SLC24A4: variants seen among roughly 807,000 people sequenced by gnomAD.
SLC24A4 encodes the protein sodium/potassium/calcium exchanger 4.
Under a neutral mutation model 79.0 loss-of-function variants are expected in SLC24A4, and 53 were observed. The observed-to-expected ratio is 0.67, with a 90% confidence interval of 0.54 to 0.84. The LOEUF is 0.84. SLC24A4 is among the 40% of genes least tolerant of loss of function. The probability of loss-of-function intolerance (pLI) is 0.00; values close to 1 mark genes in which losing one functional copy is unlikely to be tolerated. For synonymous variants in SLC24A4, 323 were observed against 323.8 expected (o/e 1.00, Z 0.03); for missense variants, 731 against 822.0 (o/e 0.89, Z 1.35).
rs574865802 is a variant in SLC24A4, at chr14:92,476,591, CAT to C, written c.1256-6087_1256-6086del. 7.0e-4 allele frequency among the ~76,000 whole-genome samples: 107 copies of C among 152,316 alleles called. 1 individual carries two copies. The highest frequency in any genetic ancestry group is 2.6e-3 in the African/African-American group (106 of 41,568). On this transcript the variant is annotated intron_variant, in intron 12 of 16. Coordinates refer to ENST00000532405, the MANE Select transcript of SLC24A4 (RefSeq NM_153646.4). Reference sequence around the variant, plus strand: ...ATTTATATGCCATAAAATTCGCCCTCATAAACTAATTCGTGGTTTTTGCTATA... The same window carrying C: ...ATTTATATGCCATAAAATTCGCCCTCAAACTAATTCGTGGTTTTTGCTATA...
rs369062213 is a variant in SLC24A4, at chr14:92,439,457, T to G, written c.393+48T>G. On this transcript the variant is annotated intron_variant, in intron 4 of 16. Transcript: ENST00000532405. ...ACCTTGGTGAAGCCTTGAAGACATG[T>G]GGGACATAAATGCCAAGCCAAGAAG... 2.9e-5 allele frequency: 46 copies of G among 1,560,916 alleles called. No homozygotes were observed. The African/African-American group carries it at 5.5e-4, about 19-fold the overall frequency.
At chr14:92,333,197 G>A (rs1484274359) in intron 2 of SLC24A4, among the ~76,000 whole-genome samples, 1 of 152,092 alleles carries the variant, frequency 6.6e-6, no homozygotes, top group Non-Finnish European at 1.5e-5. Flanking sequence ...AGGTTCAAGC[G>A]ATTTTCCTGC....
intron 2 of SLC24A4, among the ~76,000 whole-genome samples, chr14:92,430,484 A>G (rs1041244570): frequency 2.0e-5 from 3 of 152,248 alleles, no homozygotes; most frequent in African/African-American, 7.2e-5. Flanking sequence ...TCTGTCCCCA[A>G]GGATTTTGGA....
Position 92,323,893 on chromosome 14 carries a change from G to C in SLC24A4, c.63G>C (p.Gln21His), listed in dbSNP as rs903385232. The change falls in exon 1 of 17, where the codon CAG becomes CAC. Residue 21 changes from glutamine (Q) to histidine (H), a missense_variant. Physicochemically the swap from Gln to His is conservative, Grantham distance 24 (BLOSUM62 0). Coordinates refer to ENST00000532405, the MANE Select transcript of SLC24A4 (RefSeq NM_153646.4). The surrounding 1 kb of genome is among the most constrained non-coding windows in gnomAD (Gnocchi z 4.9). The stretch of plus-strand genomic sequence containing the variant: ...GCAGGAGGCGAGAGATGCTGCCGCA[G>C]CAAGTCGGCTTCGTGTGCGCGGTGC... Reference protein sequence around the residue: ...KVRRRREMLPQQVGFVCAVLA... With the variant: ...KVRRRREMLPHQVGFVCAVLA... 2 of 1,608,084 alleles carry C rather than the reference G, an allele frequency of 1.2e-6. No homozygotes were observed. The highest frequency in any genetic ancestry group is 1.7e-6 in the Non-Finnish European group (2 of 1,179,714).
chr14:92,354,006 C>T (rs974199549), intron 2 of SLC24A4, among the ~76,000 whole-genome samples: 12 of 152,180 alleles, frequency 7.9e-5, no homozygotes, highest in South Asian at 2.1e-4. Flanking sequence ...AAATTGCCTC[C>T]GGTTTTGTGT....
intron 2 of SLC24A4, among the ~76,000 whole-genome samples, chr14:92,427,700 C>G (rs1295096745): frequency 6.6e-6 from 1 of 152,186 alleles, no homozygotes; most frequent in Non-Finnish European, 1.5e-5. Context: ...TTAATATTTT[C>G]AACAGAAAGG....
chr14:92,381,402 A>T (rs1173751413), intron 2 of SLC24A4, among the ~76,000 whole-genome samples: 2 of 152,090 alleles, frequency 1.3e-5, no homozygotes, highest in South Asian at 2.1e-4. Flanking sequence ...GGACACGGGG[A>T]GGGGAACATC....
At chr14:92,363,590 G>A (rs1028177664) in intron 2 of SLC24A4, among the ~76,000 whole-genome samples, 1 of 152,194 alleles carries the variant, frequency 6.6e-6, no homozygotes, top group Admixed American at 6.5e-5. Flanking sequence ...CCAGCATTTT[G>A]GGAGGCTGAG....
At chr14:92,349,325 A>G (rs1041049909) in intron 2 of SLC24A4, among the ~76,000 whole-genome samples, 13 of 152,030 alleles carry the variant, frequency 8.6e-5, no homozygotes, top group African/African-American at 2.9e-4. Flanking sequence ...ACACCCGGGT[A>G]ATTTTTGTAT....
chr14:92,359,446 A>T (rs1887371690), intron 2 of SLC24A4, among the ~76,000 whole-genome samples: 1 of 152,126 alleles, frequency 6.6e-6, no homozygotes, highest in Admixed American at 6.5e-5. Context: ...TAATGAAAAA[A>T]GAATTAGCCG....
In SLC24A4 at chr14:92,379,512, T is replaced by TG. The variant is rs577977558; in HGVS notation, c.241+53540dup. On this transcript the variant is annotated intron_variant, in intron 2 of 16. Coordinates refer to ENST00000532405, the MANE Select transcript of SLC24A4 (RefSeq NM_153646.4). ...GGACCCGGCTTCAGCCCGAGTTTGT[T>TG]GGGGGGAACCATGGCACCAGGGGCA... Among the ~76,000 whole-genome samples the TG allele has an allele frequency of 8.1e-4, 124 of 152,150 alleles. 3 individuals carry two copies. In the East Asian group the frequency reaches 0.02, roughly 24 times the overall value.
chr14:92,347,860 A>T (rs1369517879), intron 2 of SLC24A4, among the ~76,000 whole-genome samples: 1 of 152,206 alleles, frequency 6.6e-6, no homozygotes, highest in African/African-American at 2.4e-5. Context: ...CTGGAAGGAG[A>T]GGTTGCAGTG....
intron 12 of SLC24A4, among the ~76,000 whole-genome samples, chr14:92,473,391 A>G (rs1237280496): frequency 6.6e-6 from 1 of 152,234 alleles, no homozygotes; most frequent in Non-Finnish European, 1.5e-5. Context: ...CTGGTGGGCA[A>G]GTCTGCTTGG....
intron 2 of SLC24A4, among the ~76,000 whole-genome samples, chr14:92,341,188 C>T (rs1886121303): frequency 6.6e-6 from 1 of 151,950 alleles, no homozygotes; most frequent in Non-Finnish European, 1.5e-5. Context: ...AGATGAACAC[C>T]TGGGAGGGAG....
intron 2 of SLC24A4, among the ~76,000 whole-genome samples, chr14:92,355,111 T>C (rs1360494199): frequency 1.3e-5 from 2 of 151,850 alleles, no homozygotes; most frequent in South Asian, 2.1e-4. Flanking sequence ...ACAACACAAA[T>C]GTTAGATGCA....
At chr14:92,416,118 GT>G (rs1385240919) in intron 2 of SLC24A4, among the ~76,000 whole-genome samples, 1 of 129,904 alleles carries the variant, frequency 7.7e-6, no homozygotes, top group Admixed American at 7.9e-5. Flanking sequence ...GTATTTGTGT[GT>G]GTGGTGTGTG....
Position 92,441,284 on chromosome 14 carries a change from G to A in SLC24A4, c.394-805G>A, listed in dbSNP as rs10146858. On this transcript the variant is annotated intron_variant, in intron 4 of 16. Coordinates refer to ENST00000532405, the MANE Select transcript of SLC24A4 (RefSeq NM_153646.4). This position sits in a 1 kb window ranked among gnomAD's most constrained non-coding sequence, Gnocchi z 4.6. ...TTCAGGCAGACCCTCAGTCTCCACG[G>A]TTTCTCCAAACATCCAAAGCCTCCA... 0.034 allele frequency among the ~76,000 whole-genome samples: 5,202 copies of A among 152,260 alleles called. 301 individuals carry two copies. The highest frequency in any genetic ancestry group is 0.11 in the African/African-American group (4,633 of 41,524).
At chr14:92,393,367 T>C (rs1889590739) in intron 2 of SLC24A4, among the ~76,000 whole-genome samples, 1 of 152,140 alleles carries the variant, frequency 6.6e-6, no homozygotes, top group African/African-American at 2.4e-5. Flanking sequence ...AAGGCACAGT[T>C]GCTGCGTGGA....
chr14:92,466,475 C>T (rs1894125714), intron 12 of SLC24A4, among the ~76,000 whole-genome samples: 1 of 152,258 alleles, frequency 6.6e-6, no homozygotes. Context: ...GGATACCTAG[C>T]TTACTGTTTA....
Sources: allele counts gnomAD v4.1 joint callset (sites outside exome capture counted in the v4.1 genomes callset), GRCh38; gene constraint gnomAD v4.1.1; non-coding constraint Gnocchi (gnomAD v3.1); transcripts MANE v1.5; gene names NCBI Gene and HGNC (gene_info 2026-07-23, HGNC 2026-07-21).